Variants in ARMH3 observed in about 807,000 individuals in gnomAD.
ARMH3 encodes the protein armadillo like helical domain containing 3.
A neutral mutation model predicts 99.1 loss-of-function variants in ARMH3; 60 were observed. The observed-to-expected ratio is 0.61, with a 90% CI of 0.49 to 0.75. The LOEUF (loss-of-function observed/expected upper bound fraction) is 0.75. ARMH3 is among the 30% of genes least tolerant of loss of function. The pLI is 0.00. For missense variants in ARMH3, 679 were observed against 843.1 expected, an observed-to-expected ratio of 0.81 and a Z score of 2.41; for synonymous variants, 285 against 292.8, an observed-to-expected ratio of 0.97 and a Z score of 0.27.
intron 24 of ARMH3, among the ~76,000 whole-genome samples, chr10:101,886,634 G>A (rs2067553007): frequency 6.6e-6 from 1 of 152,200 alleles, no homozygotes; most frequent in South Asian, 2.1e-4. Context: ...CCTTCTGGAT[G>A]TCTGAAAAGA....
At chr10:101,865,841 G>A (rs1434959931) in intron 24 of ARMH3, among the ~76,000 whole-genome samples, 1 of 152,096 alleles carries the variant, frequency 6.6e-6, no homozygotes, top group Non-Finnish European at 1.5e-5. Context: ...GAGCTCAAGT[G>A]TGACTATCCA....
intron 24 of ARMH3, among the ~76,000 whole-genome samples, chr10:101,869,360 G>C (rs2067081432): frequency 6.6e-6 from 1 of 152,164 alleles, no homozygotes. Context: ...CTGTACAATG[G>C]ACCATAAAGC....
chr10:101,895,571 G>A (rs1334407695), intron 23 of ARMH3, among the ~76,000 whole-genome samples: 1 of 152,062 alleles, frequency 6.6e-6, no homozygotes, highest in Non-Finnish European at 1.5e-5. Flanking sequence ...GAGCCACTGC[G>A]CCCGGCCCTT....
intron 24 of ARMH3, among the ~76,000 whole-genome samples, chr10:101,873,980 C>T (rs1436886638): frequency 6.6e-6 from 1 of 152,138 alleles, no homozygotes; most frequent in Admixed American, 6.6e-5. Flanking sequence ...TATATATTTT[C>T]ATTTCTCTTG....
chr10:101,852,453 C>G (rs1004985090), intron 24 of ARMH3, among the ~76,000 whole-genome samples: 46 of 152,308 alleles, frequency 3.0e-4, no homozygotes, highest in African/African-American at 1.1e-3. Flanking sequence ...GCTACTAGCT[C>G]CTTGGAAGAA....
intron 24 of ARMH3, among the ~76,000 whole-genome samples, chr10:101,883,790 G>C (rs767801774): frequency 1.3e-5 from 2 of 151,990 alleles, no homozygotes; most frequent in Non-Finnish European, 1.5e-5. Flanking sequence ...CCAGGAGTTC[G>C]AGACTAGCCT....
Position 101,949,436 on chromosome 10 carries a change from G to A in ARMH3, c.1705+7161C>T, listed in dbSNP as rs146964770. On this transcript the variant is annotated intron_variant, in intron 22 of 25. Transcript: ENST00000370033. Reference sequence around the variant, plus strand: ...TACAGACCCTACAGACATTAAAAATGAATATTACAAACAACTGTATGCCCC... The same window carrying A: ...TACAGACCCTACAGACATTAAAAATAAATATTACAAACAACTGTATGCCCC... Among the ~76,000 whole-genome samples the A allele has an allele frequency of 1.5e-3, 221 of 151,222 alleles. 1 individual carries two copies. Among genetic ancestry groups the A allele is most frequent in the African/African-American group, 5.0e-3 (208 of 41,392 alleles).
chr10:101,864,663 T>C (rs2066956596), intron 24 of ARMH3, among the ~76,000 whole-genome samples: 1 of 152,184 alleles, frequency 6.6e-6, no homozygotes, highest in Non-Finnish European at 1.5e-5. Flanking sequence ...AAACACCGCA[T>C]GTTCTCACTC....
chr10:101,993,847 A>T (rs1232754948), intron 16 of ARMH3, among the ~76,000 whole-genome samples: 1 of 152,226 alleles, frequency 6.6e-6, no homozygotes, highest in African/African-American at 2.4e-5. Flanking sequence ...AAAAATTAAG[A>T]CGCAGGGACT....
intron 24 of ARMH3, among the ~76,000 whole-genome samples, chr10:101,877,729 T>G (rs1158958821): frequency 6.6e-6 from 1 of 152,250 alleles, no homozygotes; most frequent in African/African-American, 2.4e-5. Context: ...TTCCCTTCTA[T>G]GCACTGCCAA....
At chr10:101,986,061 A>AAC (rs1035847859) in intron 19 of ARMH3, among the ~76,000 whole-genome samples, 5 of 151,558 alleles carry the variant, frequency 3.3e-5, no homozygotes, top group Non-Finnish European at 7.4e-5. Context: ...CACACACACA[A>AAC]ACACACACAC....
chr10:101,940,834 G>A (rs1224850462), intron 22 of ARMH3, among the ~76,000 whole-genome samples: 1 of 152,086 alleles, frequency 6.6e-6, no homozygotes, highest in Non-Finnish European at 1.5e-5. Flanking sequence ...ATATAGACCT[G>A]AATATATCCT....
intron 24 of ARMH3, among the ~76,000 whole-genome samples, chr10:101,862,148 T>C (rs993511998): frequency 1.3e-5 from 2 of 148,288 alleles, no homozygotes; most frequent in Non-Finnish European, 3.0e-5. Context: ...AAATAGTAAA[T>C]ACATGGGTAA....
chr10:101,990,572 T>G lies in ARMH3; in HGVS notation c.1385A>C (p.Glu462Ala), dbSNP rs374031404. Reference protein sequence around the residue: ...VEFIVTHMMKEFPMDLYIRCI... With the variant: ...VEFIVTHMMKAFPMDLYIRCI... ...TTACATATAGAGATCCATAGGAAACTCCTTCATCATGTGTGTTACAATAAA... is the reference window on the plus strand; with the variant it reads ...TTACATATAGAGATCCATAGGAAACGCCTTCATCATGTGTGTTACAATAAA... The change falls in exon 19 of 26, where the codon GAG (glutamate) becomes GCG (alanine). Residue 462 changes from glutamate to alanine, a missense_variant. Glu to Ala is a moderately radical substitution (Grantham distance 107). Coordinates refer to ENST00000370033, the MANE Select transcript of ARMH3 (RefSeq NM_024541.3). The G allele has an allele frequency of 3.1e-6, 5 of 1,601,724 alleles. No homozygotes were observed. The African/African-American group carries it at 5.4e-5, about 17-fold the overall frequency.
chr10:102,026,112 G>A (rs2066996050), intron 5 of ARMH3, among the ~76,000 whole-genome samples: 1 of 152,062 alleles, frequency 6.6e-6, no homozygotes, highest in Non-Finnish European at 1.5e-5. Flanking sequence ...ATTTATCACT[G>A]CACTAAAAGC....
At chr10:101,980,520 A>G (rs1846179914) in intron 19 of ARMH3, among the ~76,000 whole-genome samples, 1 of 152,062 alleles carries the variant, frequency 6.6e-6, no homozygotes, top group Admixed American at 6.5e-5. Context: ...GCTGGTCTCA[A>G]ACTCCCAACG....
At chr10:101,868,916 A>T (rs2067069080) in intron 24 of ARMH3, among the ~76,000 whole-genome samples, 1 of 152,106 alleles carries the variant, frequency 6.6e-6, no homozygotes, top group Admixed American at 6.6e-5. Context: ...TATTAAAAAT[A>T]CAAAAATTAG....
At chr10:102,034,736 C>A (rs4635021) in intron 2 of ARMH3, among the ~76,000 whole-genome samples, 5 of 151,314 alleles carry the variant, frequency 3.3e-5, no homozygotes, top group Admixed American at 2.0e-4. Flanking sequence ...TTTAAGCTGA[C>A]CTTTTAAAAC....
At chr10:101,861,148 A>C (rs566458920) in intron 24 of ARMH3, among the ~76,000 whole-genome samples, 3 of 152,334 alleles carry the variant, frequency 2.0e-5, no homozygotes, top group Non-Finnish European at 4.4e-5. Flanking sequence ...TGGTAGATAT[A>C]AGGCACATTG....
Sources: gnomAD v4.1 joint callset for allele counts (sites outside exome capture counted in the v4.1 genomes callset) on GRCh38, gnomAD v4.1.1 for gene constraint, MANE v1.5 for transcripts, NCBI Gene and HGNC (gene_info 2026-07-23, HGNC 2026-07-21) for gene names.